Variants in CSMD1 observed in about 807,000 individuals in gnomAD.
The protein encoded by CSMD1 is CUB and Sushi multiple domains 1, also known as CUB and sushi domain-containing protein 1.
In CSMD1, 213 loss-of-function variants were observed where a neutral mutation model predicts 417.5. That is an observed-to-expected ratio of 0.51 (90% CI 0.46 to 0.57). The LOEUF (loss-of-function observed/expected upper bound fraction) is 0.57. Among genes scored for constraint, CSMD1 ranks in the 20% least tolerant of loss-of-function variants. The pLI is 0.00. For missense variants in CSMD1, 6,923 were observed against 4,529.7 expected (o/e 1.53, Z -15.17); for synonymous variants, 2,862 against 1,736.8 (o/e 1.65, Z -16.11).
chr8:4,810,726 C>T (rs531925177), intron 1 of CSMD1, among the ~76,000 whole-genome samples: 208 of 152,236 alleles, frequency 1.4e-3, no homozygotes, highest in Non-Finnish European at 2.6e-3. Context: ...TTTCATAATT[C>T]ATATGTAACA....
chr8:4,439,804 T>A (rs1299013004), intron 2 of CSMD1, among the ~76,000 whole-genome samples: 2 of 152,162 alleles, frequency 1.3e-5, no homozygotes, highest in African/African-American at 4.8e-5. Flanking sequence ...AGAAGAGATG[T>A]AAATTCAGGG....
At chr8:3,998,331 G>A (rs1416239571) in intron 4 of CSMD1, among the ~76,000 whole-genome samples, 2 of 152,150 alleles carry the variant, frequency 1.3e-5, no homozygotes, top group African/African-American at 2.4e-5. Context: ...TGGCCATTGC[G>A]GGAAAGATGG....
At chr8:4,739,690 T>C (rs142203284) in intron 1 of CSMD1, among the ~76,000 whole-genome samples, 177 of 152,264 alleles carry the variant, frequency 1.2e-3, no homozygotes, top group African/African-American at 3.8e-3. Context: ...ACTTTTTGTC[T>C]AGCATTTTGT....
chr8:4,924,581 G>C (rs1443023098), intron 1 of CSMD1, among the ~76,000 whole-genome samples: 4 of 151,898 alleles, frequency 2.6e-5, no homozygotes, highest in African/African-American at 4.8e-5. Context: ...AATTAGCCTG[G>C]TGTGGTGGCC....
At chr8:4,433,267 C>T (rs551828013) in intron 2 of CSMD1, among the ~76,000 whole-genome samples, 5 of 152,208 alleles carry the variant, frequency 3.3e-5, no homozygotes, top group South Asian at 4.1e-4. Flanking sequence ...ACCCCGAAAC[C>T]ATTTCCTCCC....
chr8:3,571,767 T>A (rs948282919), intron 10 of CSMD1, among the ~76,000 whole-genome samples: 1 of 98,328 alleles, frequency 1.0e-5, no homozygotes, highest in African/African-American at 3.9e-5. Flanking sequence ...TCTGGGGCAA[T>A]TTCCCCTGCA....
intron 3 of CSMD1, among the ~76,000 whole-genome samples, chr8:4,062,868 T>C (rs943790006): frequency 1.3e-5 from 2 of 151,840 alleles, no homozygotes; most frequent in African/African-American, 2.4e-5. Flanking sequence ...AATGAAAGCC[T>C]GTACGTAATA....
intron 3 of CSMD1, among the ~76,000 whole-genome samples, chr8:4,216,538 G>A (rs527752154): frequency 5.9e-5 from 9 of 152,242 alleles, no homozygotes; most frequent in African/African-American, 1.9e-4. Context: ...GAATTCTCAA[G>A]ATCAAAGAAC....
At chr8:4,434,378 G>A (rs567655917) in intron 2 of CSMD1, among the ~76,000 whole-genome samples, 16 of 152,182 alleles carry the variant, frequency 1.1e-4, no homozygotes, top group South Asian at 6.2e-4. Flanking sequence ...TAACTAACTG[G>A]ATCTAAGAAC....
At chr8:3,648,597 G>C (rs1479282308) in intron 7 of CSMD1, among the ~76,000 whole-genome samples, 1 of 152,180 alleles carries the variant, frequency 6.6e-6, no homozygotes, top group Non-Finnish European at 1.5e-5. Flanking sequence ...TTTTAGAACA[G>C]ATTTAATGAC....
intron 3 of CSMD1, among the ~76,000 whole-genome samples, chr8:4,225,136 A>G (rs1167124343): frequency 3.9e-5 from 6 of 152,104 alleles, no homozygotes; most frequent in Non-Finnish European, 7.4e-5. Flanking sequence ...CCTGAAATTC[A>G]TTTTATTTGT....
chr8:4,144,686 T>C (rs1030794867), intron 3 of CSMD1, among the ~76,000 whole-genome samples: 1 of 151,012 alleles, frequency 6.6e-6, no homozygotes, highest in African/African-American at 2.5e-5. Context: ...GACTGTGCGG[T>C]TTTACATACT....
At chr8:3,970,859 C>T (rs970970286) in intron 5 of CSMD1, among the ~76,000 whole-genome samples, 2 of 152,118 alleles carry the variant, frequency 1.3e-5, no homozygotes, top group African/African-American at 4.8e-5. Context: ...TCACGCCATT[C>T]TCCTGCCTCA....
chr8:3,024,035 T>A (rs1241369971), intron 51 of CSMD1, among the ~76,000 whole-genome samples: 1 of 152,110 alleles, frequency 6.6e-6, no homozygotes, highest in Non-Finnish European at 1.5e-5. Context: ...TCATGTTCAT[T>A]ACTTTTAATT....
chr8:4,416,485 T>G (rs1048406465), intron 3 of CSMD1, among the ~76,000 whole-genome samples: 3 of 152,084 alleles, frequency 2.0e-5, no homozygotes. Context: ...AAATTGATAT[T>G]TAGACTTTAG....
intron 1 of CSMD1, among the ~76,000 whole-genome samples, chr8:4,749,525 AT>A (rs1811172016): frequency 6.6e-6 from 1 of 152,142 alleles, no homozygotes; most frequent in South Asian, 2.1e-4. Flanking sequence ...GTATTATTTT[AT>A]TTTTATTTTA....
chr8:4,172,258 G>C (rs1467889269), intron 3 of CSMD1, among the ~76,000 whole-genome samples: 1 of 152,142 alleles, frequency 6.6e-6, no homozygotes, highest in Admixed American at 6.5e-5. Flanking sequence ...ACAAATGAAT[G>C]TCTGGAATCC....
At chr8:3,441,481 G>A (rs1464414865) in intron 12 of CSMD1, among the ~76,000 whole-genome samples, 1 of 130,370 alleles carries the variant, frequency 7.7e-6, no homozygotes, top group Admixed American at 8.8e-5. Flanking sequence ...TTTGCTTATG[G>A]CATATAATTT....
intron 68 of CSMD1, among the ~76,000 whole-genome samples, chr8:2,946,602 T>C (rs1179881752): frequency 1.3e-5 from 2 of 152,226 alleles, no homozygotes; most frequent in African/African-American, 2.4e-5. Flanking sequence ...TAATATTCCA[T>C]TGTATGGCTA....
Sources: allele counts gnomAD v4.1 joint callset (sites outside exome capture counted in the v4.1 genomes callset), GRCh38; gene constraint gnomAD v4.1.1; transcripts MANE v1.5; gene names NCBI Gene and HGNC (gene_info 2026-07-23, HGNC 2026-07-21).